CBFA2T3: variants seen among roughly 807,000 people sequenced by gnomAD.
CBFA2T3 encodes transcriptional corepressor CBFA2T3.
Under a neutral mutation model 58.6 loss-of-function variants are expected in CBFA2T3, and 31 were observed. The ratio of observed to expected loss-of-function variants is 0.53; its 90% CI spans 0.40 to 0.71. The LOEUF is 0.71. Ranked by LOEUF, CBFA2T3 falls within the 30% of genes least tolerant of loss-of-function variation. CBFA2T3 has a pLI of 0.00. For synonymous variants in CBFA2T3, 531 were observed against 421.9 expected (o/e 1.26, Z -3.17); for missense variants, 1,076 against 963.1 (o/e 1.12, Z -1.55).
chr16:88,932,389 C>G (rs1971342241), intron 1 of CBFA2T3, among the ~76,000 whole-genome samples: 1 of 152,088 alleles, frequency 6.6e-6, no homozygotes, highest in East Asian at 1.9e-4. Flanking sequence ...AATCCCAGCA[C>G]TTTGGGAGGC....
At chr16:88,942,029 C>G (rs1273312273) in intron 1 of CBFA2T3, among the ~76,000 whole-genome samples, 1 of 151,974 alleles carries the variant, frequency 6.6e-6, no homozygotes, top group Non-Finnish European at 1.5e-5. Flanking sequence ...CGGGCGGGTC[C>G]GATGCGAAGC....
chr16:88,882,823 C>G, intron 7 of CBFA2T3, 62 bp from the exon 8 acceptor site: 1 of 1,147,718 alleles, frequency 8.7e-7, no homozygotes, highest in Non-Finnish European at 1.3e-6. Flanking sequence ...CCTATTCTCC[C>G]AGACCCCGCC....
Position 88,892,227 on chromosome 16 carries a change from G to A in CBFA2T3, c.621+17C>T. On this transcript the variant is annotated intron_variant, in intron 4 of 11. Coordinates refer to ENST00000268679, the MANE Select transcript of CBFA2T3 (RefSeq NM_005187.6). Reference sequence around the variant, plus strand: ...ATATGCATGTCCCAAGGCCCCGGCTGTCCCTGCCCAACTCACCACCAGGCC... The same window carrying A: ...ATATGCATGTCCCAAGGCCCCGGCTATCCCTGCCCAACTCACCACCAGGCC... 1 of 1,602,852 alleles carries A rather than the reference G, an allele frequency of 6.2e-7. No individual in the cohort carries two copies.
At chr16:88,944,413 C>A (rs1971850612) in intron 1 of CBFA2T3, among the ~76,000 whole-genome samples, 2 of 152,008 alleles carry the variant, frequency 1.3e-5, no homozygotes, top group South Asian at 2.1e-4. Context: ...AAAGTTGACT[C>A]CCCATCAGCA....
chr16:88,884,820 G>A (rs965824038), intron 7 of CBFA2T3: 3 of 463,406 alleles, frequency 6.5e-6, no homozygotes, highest in Non-Finnish European at 1.2e-5. Flanking sequence ...TTCCAGGCCC[G>A]AGGCCGCCCA....
intron 1 of CBFA2T3, among the ~76,000 whole-genome samples, chr16:88,914,771 G>T (rs570734904): frequency 9.2e-5 from 14 of 152,342 alleles, no homozygotes; most frequent in Admixed American, 9.1e-4. Context: ...GGAGAGTGGT[G>T]AGCTCAGAGG....
intron 1 of CBFA2T3, among the ~76,000 whole-genome samples, chr16:88,915,221 T>G (rs1597720922): frequency 6.6e-4 from 3 of 4,552 alleles, no homozygotes; most frequent in South Asian, 8.1e-3. Flanking sequence ...GGAGGAGGCG[T>G]GGGTGTGGGG....
chr16:88,914,731 G>A (rs1321905735), intron 1 of CBFA2T3, among the ~76,000 whole-genome samples: 1 of 152,202 alleles, frequency 6.6e-6, no homozygotes, highest in African/African-American at 2.4e-5. Context: ...ACAGCACCCT[G>A]CCGGTTGAGC....
intron 1 of CBFA2T3, among the ~76,000 whole-genome samples, chr16:88,965,054 T>TCCAC (rs1280485867): frequency 6.7e-6 from 1 of 149,080 alleles, no homozygotes; most frequent in Non-Finnish European, 1.5e-5. Flanking sequence ...CATCCATCCA[T>TCCAC]CCACCCATCC....
intron 1 of CBFA2T3, among the ~76,000 whole-genome samples, chr16:88,916,937 A>T (rs1970757192): frequency 6.6e-6 from 1 of 151,840 alleles, no homozygotes; most frequent in Non-Finnish European, 1.5e-5. Flanking sequence ...GCGCAGAAGC[A>T]CGGATTCTTT....
chr16:88,951,851 G>A lies in CBFA2T3; in HGVS notation c.151+24806C>T, dbSNP rs142235850. ...GGGAAGAGAAGGTGGGCAGAGCGGC[G>A]GAGGGTGTGCTAATGGTTGGGTCTG... On this transcript the variant is annotated intron_variant, in intron 1 of 11. Coordinates refer to ENST00000268679, the MANE Select transcript of CBFA2T3 (RefSeq NM_005187.6). Among the ~76,000 whole-genome samples, 54 of 152,348 alleles carry A rather than the reference G, an allele frequency of 3.5e-4. No individual in the cohort carries two copies. The South Asian group carries it at 3.9e-3, about 11-fold the overall frequency.
At chr16:88,918,201 C>T (rs1025911551) in intron 1 of CBFA2T3, among the ~76,000 whole-genome samples, 1 of 152,238 alleles carries the variant, frequency 6.6e-6, no homozygotes, top group Non-Finnish European at 1.5e-5. Context: ...TTCTCACCCC[C>T]ACCCAAATGC....
At chr16:88,954,535 C>G (rs1213728422) in intron 1 of CBFA2T3, among the ~76,000 whole-genome samples, 1 of 111,966 alleles carries the variant, frequency 8.9e-6, no homozygotes, top group African/African-American at 4.1e-5. Context: ...TGACTCCACC[C>G]AAGGCTCCTG....
intron 1 of CBFA2T3, among the ~76,000 whole-genome samples, chr16:88,972,205 C>T (rs1024265430): frequency 2.7e-5 from 4 of 149,288 alleles, no homozygotes; most frequent in Non-Finnish European, 4.5e-5. Context: ...AGCAGTGCCA[C>T]GCTTACTGGG....
Position 88,934,975 on chromosome 16 carries a change from C to T in CBFA2T3, c.152-33319G>A, listed in dbSNP as rs190027164. On this transcript the variant is annotated intron_variant, in intron 1 of 11. Coordinates refer to ENST00000268679, the MANE Select transcript of CBFA2T3 (RefSeq NM_005187.6). ...CAGGATGGTCTCGATCTCCTGACCT[C>T]GTGATCCACCCGCCTTGGCCTCCCA... Among the ~76,000 whole-genome samples, 810 of 152,288 alleles carry T rather than the reference C, an allele frequency of 5.3e-3. 7 individuals carry two copies. Among genetic ancestry groups the T allele is most frequent in the African/African-American group, 0.019 (776 of 41,562 alleles).
chr16:88,892,066 G>A, intron 4 of CBFA2T3, 95 bp from the exon 5 acceptor site: 1 of 1,358,516 alleles, frequency 7.4e-7, no homozygotes, highest in South Asian at 1.2e-5. Context: ...CCGTGTTGGA[G>A]GCAGGCAGGC....
intron 1 of CBFA2T3, among the ~76,000 whole-genome samples, chr16:88,960,648 C>T (rs544734608): frequency 6.6e-6 from 1 of 152,362 alleles, no homozygotes; most frequent in Admixed American, 6.5e-5. Flanking sequence ...AGCCACTTTG[C>T]AGCCAGGAAA....
chr16:88,891,129 C>A (rs1467931903), intron 5 of CBFA2T3, among the ~76,000 whole-genome samples: 1 of 152,036 alleles, frequency 6.6e-6, no homozygotes, highest in Non-Finnish European at 1.5e-5. Flanking sequence ...CATCGGCCTG[C>A]GCAGCCACAG....
At chr16:88,975,814 G>T (rs949969626) in intron 1 of CBFA2T3, among the ~76,000 whole-genome samples, 6 of 152,276 alleles carry the variant, frequency 3.9e-5, no homozygotes, top group Non-Finnish European at 8.8e-5. Flanking sequence ...GGTCTCCAGA[G>T]ATGGGGACAC....
Sources: allele counts gnomAD v4.1 joint callset (sites outside exome capture counted in the v4.1 genomes callset), GRCh38; gene constraint gnomAD v4.1.1; transcripts MANE v1.5; gene names NCBI Gene and HGNC (gene_info 2026-07-23, HGNC 2026-07-21).